MEGF10: variants seen among roughly 807,000 people sequenced by gnomAD.
MEGF10 encodes multiple epidermal growth factor-like domains protein 10.
Under a neutral mutation model 147.5 loss-of-function variants are expected in MEGF10, and 86 were observed. The ratio of observed to expected loss-of-function variants is 0.58; its 90% CI spans 0.49 to 0.70. The LOEUF is 0.70. Among genes scored for constraint, MEGF10 ranks in the 30% least tolerant of loss-of-function variants. The pLI is 0.00. For synonymous variants in MEGF10, 478 were observed against 525.5 expected, an observed-to-expected ratio of 0.91 and a Z score of 1.24; for missense variants, 1,329 against 1,487.3, an observed-to-expected ratio of 0.89 and a Z score of 1.75.
At chr5:127,308,075 T>C (rs934314741) in intron 1 of MEGF10, among the ~76,000 whole-genome samples, 1 of 152,188 alleles carries the variant, frequency 6.6e-6, no homozygotes, top group Non-Finnish European at 1.5e-5. Context: ...AGCTCTTTTC[T>C]CCCTGTAGGT....
At chr5:127,267,933 G>C in the MEGF10 span, among the ~76,000 whole-genome samples, 1 of 152,044 alleles carries the variant, frequency 6.6e-6, no homozygotes, top group African/African-American at 2.4e-5. Context: ...GTTCTTCTCT[G>C]ATCTTACTTA....
chr5:127,280,314 T>C, the MEGF10 span, among the ~76,000 whole-genome samples: 225 of 152,334 alleles, frequency 1.5e-3, no homozygotes, highest in African/African-American at 5.2e-3. Context: ...CAATATTACT[T>C]GATGCCTCCA....
chr5:127,403,527 G>A (rs1038064096), intron 8 of MEGF10, among the ~76,000 whole-genome samples: 4 of 152,062 alleles, frequency 2.6e-5, no homozygotes, highest in African/African-American at 9.7e-5. Flanking sequence ...CAAATAGTAG[G>A]TCTTAGTCAT....
intron 4 of MEGF10, among the ~76,000 whole-genome samples, chr5:127,362,455 C>T (rs920874364): frequency 9.2e-5 from 14 of 151,530 alleles, no homozygotes; most frequent in Admixed American, 2.0e-4. Context: ...CTGCAAGCTC[C>T]GCCTCCCAGG....
chr5:127,254,180 A>G, the MEGF10 span, among the ~76,000 whole-genome samples: 1 of 152,066 alleles, frequency 6.6e-6, no homozygotes, highest in African/African-American at 2.4e-5. Flanking sequence ...AATATTATCT[A>G]TTGACTTCCT....
At chr5:127,310,496 A>AT (rs975810907) in intron 1 of MEGF10, among the ~76,000 whole-genome samples, 17 of 151,956 alleles carry the variant, frequency 1.1e-4, no homozygotes, top group Admixed American at 7.9e-4. Context: ...TTGCTTTTAG[A>AT]TTTTTTTTAA....
At chr5:127,398,160 C>T (rs533213816) in intron 6 of MEGF10, among the ~76,000 whole-genome samples, 12 of 151,992 alleles carry the variant, frequency 7.9e-5, no homozygotes, top group African/African-American at 1.4e-4. Context: ...TGCAGCAAAC[C>T]GCCATGGCAC....
the MEGF10 span, among the ~76,000 whole-genome samples, chr5:127,277,639 T>C: frequency 6.6e-6 from 1 of 152,016 alleles, no homozygotes; most frequent in Non-Finnish European, 1.5e-5. Context: ...CTGGGAGTGG[T>C]TGGTGGAGGG....
chr5:127,430,295 T>C (rs1580861305), intron 13 of MEGF10, among the ~76,000 whole-genome samples: 1 of 152,166 alleles, frequency 6.6e-6, no homozygotes, highest in East Asian at 1.9e-4. Context: ...AAAAAGATGT[T>C]TTGTAGGACC....
In MEGF10 at chr5:127,352,301, G is replaced by T. The variant is rs868375694; in HGVS notation, c.319+11671G>T. Reference sequence around the variant, plus strand: ...GTATTATTATTGCTTTCAACCTTTTGGGTGAAAAATGGTACCTAGCTTTAT... The same window carrying T: ...GTATTATTATTGCTTTCAACCTTTTTGGTGAAAAATGGTACCTAGCTTTAT... On this transcript the variant is annotated intron_variant, in intron 4 of 24. Coordinates refer to ENST00000503335, the MANE Select transcript of MEGF10 (RefSeq NM_001256545.2). Among the ~76,000 whole-genome samples, 15 of 152,012 alleles carry T rather than the reference G, an allele frequency of 9.9e-5. 1 individual carries two copies. Among genetic ancestry groups the T allele is most frequent in the Non-Finnish European group, 2.1e-4 (14 of 67,992 alleles).
At chr5:127,344,378 A>G (rs1426566533) in intron 4 of MEGF10, among the ~76,000 whole-genome samples, 2 of 152,236 alleles carry the variant, frequency 1.3e-5, no homozygotes, top group African/African-American at 4.8e-5. Context: ...AATCGTACCC[A>G]TGTTAAAGAT....
chr5:127,397,672 T>A (rs1763969327), intron 6 of MEGF10, among the ~76,000 whole-genome samples: 1 of 152,216 alleles, frequency 6.6e-6, no homozygotes, highest in Non-Finnish European at 1.5e-5. Flanking sequence ...AAGCCCTGAT[T>A]TTCAGAATTG....
chr5:127,247,408 A>AGAAGG, the MEGF10 span, among the ~76,000 whole-genome samples: 1 of 67,886 alleles, frequency 1.5e-5, no homozygotes, highest in Non-Finnish European at 2.8e-5. Context: ...GAAGAAGAAG[A>AGAAGG]AGAAGAAGAA....
chr5:127,460,409 C>A lies in MEGF10; in HGVS notation c.*3091C>A, dbSNP rs187542520. On this transcript the variant is annotated 3_prime_UTR_variant, in exon 25 of 25. Coordinates refer to ENST00000503335, the MANE Select transcript of MEGF10 (RefSeq NM_001256545.2). ...TCCTATGATACAGTAGTAATGTTAA[C>A]AGAGAGTTTAATATGTTTAGCATTA... The A allele has an allele frequency of 4.6e-5, 7 of 152,222 alleles. No homozygotes were observed. In the East Asian group the frequency reaches 1.3e-3, roughly 29 times the overall value. The allele number at this position is 152,222 out of a possible 1,614,324, so 9.4% of individuals were successfully genotyped here. A position where few individuals can be genotyped will look rare whatever the true frequency, so the allele number is the denominator to read the frequency against.
At chr5:127,435,529 T>A (rs779588770) in intron 16 of MEGF10, 40 bp downstream of exon 16, 11 of 1,576,926 alleles carry the variant, frequency 7.0e-6, no homozygotes. Flanking sequence ...CTGTTCTTAT[T>A]TGTTTGTTTT....
At chr5:127,331,919 C>T (rs1246208035) in intron 2 of MEGF10, among the ~76,000 whole-genome samples, 4 of 151,774 alleles carry the variant, frequency 2.6e-5, no homozygotes, top group Non-Finnish European at 5.9e-5. Flanking sequence ...CCCTGAGATG[C>T]TCTTGAAGAA....
intron 5 of MEGF10, among the ~76,000 whole-genome samples, chr5:127,377,783 G>A (rs909772729): frequency 3.3e-5 from 5 of 152,220 alleles, no homozygotes; most frequent in South Asian, 2.1e-4. Context: ...TGCTGTCTGC[G>A]GAGAGTAGAC....
intron 1 of MEGF10, among the ~76,000 whole-genome samples, chr5:127,297,178 G>A (rs1309757034): frequency 6.6e-6 from 1 of 152,106 alleles, no homozygotes; most frequent in Non-Finnish European, 1.5e-5. Flanking sequence ...TATTGGCCAG[G>A]CTGGTCTCGA....
intron 8 of MEGF10, 23 bp from the exon 9 acceptor site, chr5:127,410,366 T>C (rs1421279490): frequency 1.2e-6 from 2 of 1,610,840 alleles, no homozygotes; most frequent in African/African-American, 2.7e-5. Context: ...TCTTTCTTCT[T>C]GCTCCTGCCT....
Sources: allele counts gnomAD v4.1 joint callset (sites outside exome capture counted in the v4.1 genomes callset), GRCh38; gene constraint gnomAD v4.1.1; transcripts MANE v1.5; gene names NCBI Gene and HGNC (gene_info 2026-07-23, HGNC 2026-07-21).